Variants in C5orf34 observed in about 807,000 individuals in gnomAD.
C5orf34 encodes the protein uncharacterized protein C5orf34.
In C5orf34, 73 loss-of-function variants were observed where a neutral mutation model predicts 78.4. The observed-to-expected ratio is 0.93, with a 90% CI of 0.77 to 1.13. C5orf34 has a LOEUF of 1.13. C5orf34 is among the 50% of genes most tolerant of loss of function. The probability of loss-of-function intolerance (pLI) is 0.00; values close to 1 mark genes in which losing one functional copy is unlikely to be tolerated. For synonymous variants in C5orf34, 251 were observed against 246.6 expected, an observed-to-expected ratio of 1.02 and a Z score of -0.17; for missense variants, 730 against 732.7, an observed-to-expected ratio of 1.00 and a Z score of 0.04.
At position 43,499,067 on chromosome 5, in the gene C5orf34, T is replaced by C. The variant is rs74723358; in HGVS notation, c.1152+3305A>G. On this transcript the variant is annotated intron_variant, in intron 6 of 12. Transcript: ENST00000306862. Reference sequence around the variant, plus strand: ...AATCTAGTGTAGCTGATAAAGAACATACATCATTAAGAAAATGTCACCCAA... The same window carrying C: ...AATCTAGTGTAGCTGATAAAGAACACACATCATTAAGAAAATGTCACCCAA... 3.3e-3 allele frequency among the ~76,000 whole-genome samples: 497 copies of C among 152,290 alleles called. 1 individual carries two copies. Among genetic ancestry groups the C allele is most frequent in the African/African-American group, 0.012 (486 of 41,558 alleles).
At chr5:43,491,988 G>A (rs1178608766) in intron 10 of C5orf34, among the ~76,000 whole-genome samples, 3 of 137,850 alleles carry the variant, frequency 2.2e-5, no homozygotes, top group Admixed American at 1.5e-4. Context: ...CAGGCCACAG[G>A]AGCAAAACTC....
chr5:43,502,478 A>G lies in C5orf34; in HGVS notation c.1046T>C (p.Met349Thr), dbSNP rs1394954549. ...GVTYRLTHQN[M>T]NSIEIYSGDG... Reference sequence around the variant, plus strand: ...CCCAGAATAAATCTCTATTGAGTTCATATTTTGATGGGTAAGTCTAAGAAA... The same window carrying G: ...CCCAGAATAAATCTCTATTGAGTTCGTATTTTGATGGGTAAGTCTAAGAAA... Residue 349 changes from methionine to threonine, a missense_variant, in exon 6 of 13, where the codon ATG becomes ACG. Coordinates refer to ENST00000306862, the MANE Select transcript of C5orf34 (RefSeq NM_198566.4). 6.4e-7 allele frequency: 1 copy of G among 1,566,976 alleles called. No homozygotes were observed. Among genetic ancestry groups the G allele is most frequent in the Non-Finnish European group, 8.7e-7 (1 of 1,147,764 alleles).
intron 12 of C5orf34, among the ~76,000 whole-genome samples, chr5:43,487,383 T>C (rs1308622213): frequency 6.6e-6 from 1 of 152,048 alleles, no homozygotes; most frequent in Non-Finnish European, 1.5e-5. Context: ...TTCAGTAACA[T>C]TTCTTTAAGT....
chr5:43,490,261 G>C, intron 11 of C5orf34: 1 of 169,522 alleles, frequency 5.9e-6, no homozygotes. Flanking sequence ...AATGTTTTCT[G>C]AAAGCTTATG....
In C5orf34 at chr5:43,505,818, C is replaced by T. The variant is rs746005411; in HGVS notation, c.862G>A (p.Glu288Lys). The change falls in exon 4 of 13, where the codon GAA becomes AAA. Residue 288 changes from glutamate to lysine, a missense_variant. Coordinates refer to ENST00000306862, the MANE Select transcript of C5orf34 (RefSeq NM_198566.4). The part of the protein sequence containing the change: ...SRFLTSDISE[E>K]RGKVVSVLPR... ...AGAACAGAAACCACTTTTCCTCTTT[C>T]CTCTGAAATATCAGAAGTTAAAAAT... 6 of 1,612,558 alleles carry T rather than the reference C, an allele frequency of 3.7e-6. No homozygotes were observed. Among genetic ancestry groups the T allele is most frequent in the Non-Finnish European group, 5.1e-6 (6 of 1,179,068 alleles).
At chr5:43,508,250 C>T (rs1275841281) in intron 3 of C5orf34, among the ~76,000 whole-genome samples, 1 of 152,038 alleles carries the variant, frequency 6.6e-6, no homozygotes, top group Non-Finnish European at 1.5e-5. Context: ...AGTCCAAACA[C>T]AATACTATAT....
chr5:43,501,573 G>A (rs984754855), intron 6 of C5orf34, among the ~76,000 whole-genome samples: 1 of 152,134 alleles, frequency 6.6e-6, no homozygotes, highest in Non-Finnish European at 1.5e-5. Context: ...GGGAGTGGAG[G>A]GAGAAGCAGG....
At chr5:43,503,886 A>G (rs913543672) in intron 4 of C5orf34, 126 bp from the exon 5 acceptor site, 5 of 616,276 alleles carry the variant, frequency 8.1e-6, no homozygotes, top group Non-Finnish European at 1.4e-5. Context: ...AAAGAATAAA[A>G]ATTAATATGA....
chr5:43,504,743 G>A (rs918411300), intron 4 of C5orf34, among the ~76,000 whole-genome samples: 14 of 152,174 alleles, frequency 9.2e-5, no homozygotes, highest in Non-Finnish European at 1.8e-4. Context: ...AAAAGACCTG[G>A]TAAGCTATGT....
rs530101824 is a variant in C5orf34, at chr5:43,508,637, T to A, written c.225A>T (p.Arg75=). The A allele has an allele frequency of 6.8e-6, 11 of 1,610,704 alleles. No individual in the cohort carries two copies. In the South Asian group the frequency reaches 1.2e-4, roughly 18 times the overall value. The part of the protein sequence containing the change: ...REQLQRALDF[R]NSSATCPFLS... ...AAAAAGGGCAAGTAGCTGAAGAGTTTCGAAAATCTAGGGCTCGCTGTAGTT... is the reference window on the plus strand; with the variant it reads ...AAAAAGGGCAAGTAGCTGAAGAGTTACGAAAATCTAGGGCTCGCTGTAGTT... Residue 75 remains arginine (R), a synonymous_variant, in exon 3 of 13, where the codon CGA becomes CGT. Coordinates refer to ENST00000306862, the MANE Select transcript of C5orf34 (RefSeq NM_198566.4).
intron 6 of C5orf34, among the ~76,000 whole-genome samples, chr5:43,500,869 C>T (rs1376967687): frequency 6.6e-6 from 1 of 152,150 alleles, no homozygotes; most frequent in African/African-American, 2.4e-5. Context: ...TTACATTTAG[C>T]TCTTTAATTC....
At chr5:43,491,790 G>T (rs1383340661) in intron 10 of C5orf34, among the ~76,000 whole-genome samples, 4 of 151,906 alleles carry the variant, frequency 2.6e-5, no homozygotes, top group Non-Finnish European at 5.9e-5. Context: ...GATCACCTGA[G>T]GTCGGGAGTT....
chr5:43,505,606 G>C, intron 4 of C5orf34, 142 bp downstream of exon 4: 1 of 726,520 alleles, frequency 1.4e-6, no homozygotes, highest in East Asian at 2.7e-5. Context: ...ATTTGCTAGG[G>C]AAATTATTTA....
At chr5:43,508,079 GAAAAAAA>G (rs58637292) in intron 3 of C5orf34, among the ~76,000 whole-genome samples, 1 of 107,774 alleles carries the variant, frequency 9.3e-6, no homozygotes, top group East Asian at 2.5e-4. Flanking sequence ...CTCCGTCTCA[GAAAAAAA>G]AAAAAAAAAA....
At chr5:43,508,363 C>T (rs1001728128) in intron 3 of C5orf34, among the ~76,000 whole-genome samples, 4 of 151,958 alleles carry the variant, frequency 2.6e-5, no homozygotes, top group Non-Finnish European at 4.4e-5. Flanking sequence ...ATTTTGAGAC[C>T]TCTGAGAATG....
intron 3 of C5orf34, among the ~76,000 whole-genome samples, chr5:43,507,801 G>A (rs369323079): frequency 6.6e-6 from 1 of 151,728 alleles, no homozygotes; most frequent in Non-Finnish European, 1.5e-5. Context: ...GCTGCCGGCC[G>A]GGCGCGGTGG....
intron 5 of C5orf34, among the ~76,000 whole-genome samples, chr5:43,503,396 A>G (rs1745844715): frequency 6.6e-6 from 1 of 152,250 alleles, no homozygotes; most frequent in South Asian, 2.1e-4. Context: ...TGAATGTTAC[A>G]TTCACTAGCA....
chr5:43,498,523 T>C (rs1745635721), intron 6 of C5orf34, among the ~76,000 whole-genome samples: 2 of 152,228 alleles, frequency 1.3e-5, no homozygotes, highest in Non-Finnish European at 2.9e-5. Context: ...ATAAAAATTT[T>C]GGTTTCACAC....
At chr5:43,512,510 CT>C (rs1398158545) in intron 1 of C5orf34, among the ~76,000 whole-genome samples, 1 of 152,184 alleles carries the variant, frequency 6.6e-6, no homozygotes, top group Non-Finnish European at 1.5e-5. Context: ...TGACTTTAGT[CT>C]TCATCCTACT....
Sources: allele counts gnomAD v4.1 joint callset (sites outside exome capture counted in the v4.1 genomes callset), GRCh38; gene constraint gnomAD v4.1.1; transcripts MANE v1.5; gene names NCBI Gene and HGNC (gene_info 2026-07-23, HGNC 2026-07-21).